ARHGAP24: variants seen among roughly 807,000 people sequenced by gnomAD.
ARHGAP24 encodes rho GTPase-activating protein 24.
ARHGAP24 carries 50 observed loss-of-function variants against 76.4 expected under a neutral mutation model. The observed-to-expected ratio is 0.65, with a 90% confidence interval of 0.52 to 0.83. ARHGAP24 has a LOEUF of 0.83. Ranked by LOEUF, ARHGAP24 falls within the 40% of genes least tolerant of loss-of-function variation. The pLI is 0.00. For synonymous variants in ARHGAP24, 345 were observed against 323.3 expected, an observed-to-expected ratio of 1.07 and a Z score of -0.72; for missense variants, 930 against 914.2, an observed-to-expected ratio of 1.02 and a Z score of -0.22.
At chr4:85,756,984 T>C (rs1197511824) in intron 3 of ARHGAP24, among the ~76,000 whole-genome samples, 1 of 152,166 alleles carries the variant, frequency 6.6e-6, no homozygotes, top group Non-Finnish European at 1.5e-5. Context: ...AAAACTGTTT[T>C]TTCATCTTTA....
At chr4:85,809,176 C>G (rs1409462752) in intron 3 of ARHGAP24, among the ~76,000 whole-genome samples, 3 of 152,110 alleles carry the variant, frequency 2.0e-5, no homozygotes, top group African/African-American at 4.8e-5. Flanking sequence ...ATTTTTTTCT[C>G]TAGTCATCAC....
At chr4:85,918,815 G>T (rs1423283171) in intron 3 of ARHGAP24, among the ~76,000 whole-genome samples, 1 of 152,084 alleles carries the variant, frequency 6.6e-6, no homozygotes, top group African/African-American at 2.4e-5. Flanking sequence ...GGCCAACTTA[G>T]TTAACAAAAT....
chr4:85,874,939 A>AAAT (rs1732776434), intron 3 of ARHGAP24, among the ~76,000 whole-genome samples: 1 of 1,950 alleles, frequency 5.1e-4, no homozygotes, highest in Non-Finnish European at 1.2e-3. Flanking sequence ...ATTTATATAT[A>AAAT]ATATATTTTT....
intron 3 of ARHGAP24, among the ~76,000 whole-genome samples, chr4:85,758,031 G>C (rs1726581552): frequency 6.6e-6 from 1 of 151,874 alleles, no homozygotes; most frequent in Non-Finnish European, 1.5e-5. Flanking sequence ...GAACTTTCTG[G>C]GCTATATTAT....
chr4:85,838,864 C>G (rs17400759), intron 3 of ARHGAP24, among the ~76,000 whole-genome samples: 28,050 of 152,044 alleles, frequency 0.18, 3,369 homozygotes, highest in Non-Finnish European at 0.27. Context: ...GAGGGCCCAC[C>G]TTGGAAATTT....
chr4:85,698,825 C>T (rs527497519), intron 2 of ARHGAP24, among the ~76,000 whole-genome samples: 1 of 152,266 alleles, frequency 6.6e-6, no homozygotes, highest in South Asian at 2.1e-4. Flanking sequence ...GTTGTAACCC[C>T]AATGCTGGAG....
chr4:85,941,447 G>T (rs936251154), intron 4 of ARHGAP24, among the ~76,000 whole-genome samples: 34 of 152,254 alleles, frequency 2.2e-4, no homozygotes, highest in Non-Finnish European at 4.3e-4. Context: ...TCCACTTCTA[G>T]TGTGCTCTGC....
intron 1 of ARHGAP24, among the ~76,000 whole-genome samples, chr4:85,564,359 C>T (rs1726721865): frequency 7.0e-6 from 1 of 143,838 alleles, no homozygotes; most frequent in South Asian, 2.2e-4. Flanking sequence ...CACTTGGACA[C>T]AGGAAGGGGA....
intron 3 of ARHGAP24, among the ~76,000 whole-genome samples, chr4:85,832,402 C>T (rs757117830): frequency 3.9e-5 from 6 of 152,130 alleles, no homozygotes; most frequent in South Asian, 2.1e-4. Flanking sequence ...GGGTCTTTTA[C>T]TATTATTAGG....
intron 1 of ARHGAP24, among the ~76,000 whole-genome samples, chr4:85,477,313 G>A (rs767276378): frequency 3.9e-5 from 6 of 152,048 alleles, no homozygotes; most frequent in Non-Finnish European, 8.8e-5. Flanking sequence ...GAGATGAGGT[G>A]GTTTCTCTGT....
At chr4:85,855,476 G>A (rs2110168851) in intron 3 of ARHGAP24, among the ~76,000 whole-genome samples, 2 of 152,288 alleles carry the variant, frequency 1.3e-5, no homozygotes, top group Middle Eastern at 6.8e-3. Context: ...GGAGGCTGAG[G>A]TGGGTGGATC....
chr4:85,967,951 G>A (rs1288745703), intron 5 of ARHGAP24, among the ~76,000 whole-genome samples: 2 of 152,108 alleles, frequency 1.3e-5, no homozygotes, highest in African/African-American at 2.4e-5. Context: ...GTTACCTACA[G>A]AAAACAGAAG....
At position 85,860,187 on chromosome 4, in the gene ARHGAP24, G is replaced by T. The variant is rs146697767; in HGVS notation, c.269-63461G>T. ...GAAGCTTATATTTAGAATGAATTAG[G>T]CATGGAAGATGAATTACAGGGTAAG... is the stretch of plus-strand genomic sequence containing the variant. On this transcript the variant is annotated intron_variant, in intron 3 of 9. Transcript: ENST00000395184. Among the ~76,000 whole-genome samples, 69 of 152,138 alleles carry T rather than the reference G, an allele frequency of 4.5e-4. 1 individual carries two copies. The East Asian group carries it at 0.013, about 28-fold the overall frequency.
chr4:85,761,531 A>C (rs2110073233), intron 3 of ARHGAP24, among the ~76,000 whole-genome samples: 1 of 152,328 alleles, frequency 6.6e-6, no homozygotes, highest in South Asian at 2.1e-4. Context: ...ACTGAGTGAA[A>C]GTGGTTAAAG....
At chr4:85,803,079 C>G (rs1465344587) in intron 3 of ARHGAP24, among the ~76,000 whole-genome samples, 1 of 152,128 alleles carries the variant, frequency 6.6e-6, no homozygotes, top group African/African-American at 2.4e-5. Context: ...ATTGATGAAG[C>G]TAAAAACAAA....
chr4:85,809,678 T>C (rs985317907), intron 3 of ARHGAP24, among the ~76,000 whole-genome samples: 6 of 152,152 alleles, frequency 3.9e-5, no homozygotes, highest in African/African-American at 1.4e-4. Flanking sequence ...CCTCAGAAGG[T>C]AAATAAGCCC....
Position 85,995,131 on chromosome 4 carries a change from G to A in ARHGAP24, c.1477G>A (p.Gly493Arg), listed in dbSNP as rs146697529. 2.1e-5 allele frequency: 34 copies of A among 1,613,806 alleles called. No homozygotes were observed. Among genetic ancestry groups the A allele is most frequent in the Non-Finnish European group, 2.5e-5 (30 of 1,180,012 alleles). The stretch of plus-strand genomic sequence containing the variant: ...GGGCATTTTGAACAGCGACACACTC[G>A]GGAACCCCACAAATGTTCGAAACAT... Reference protein sequence around the residue: ...RMGILNSDTLGNPTNVRNMSW... With the variant: ...RMGILNSDTLRNPTNVRNMSW... Residue 493 changes from glycine (G) to arginine (R), a missense_variant, in exon 9 of 10, where the codon GGG (glycine) becomes AGG (arginine). By Grantham distance (125) the Gly-to-Arg change is moderately radical. Coordinates refer to ENST00000395184, the MANE Select transcript of ARHGAP24 (RefSeq NM_001025616.3).
At chr4:85,486,020 G>A (rs943730529) in intron 1 of ARHGAP24, among the ~76,000 whole-genome samples, 5 of 152,070 alleles carry the variant, frequency 3.3e-5, no homozygotes, top group Non-Finnish European at 7.4e-5. Flanking sequence ...ATTACAGGCT[G>A]CCGTGCCCAG....
At chr4:85,741,978 A>G (rs1452612814) in intron 3 of ARHGAP24, among the ~76,000 whole-genome samples, 1 of 152,224 alleles carries the variant, frequency 6.6e-6, no homozygotes, top group African/African-American at 2.4e-5. Context: ...GGATTATGGA[A>G]AAAGTGACAG....
Sources: gnomAD v4.1 joint callset for allele counts (sites outside exome capture counted in the v4.1 genomes callset) on GRCh38, gnomAD v4.1.1 for gene constraint, MANE v1.5 for transcripts, NCBI Gene and HGNC (gene_info 2026-07-23, HGNC 2026-07-21) for gene names.